The following SPAG16 variants were observed in gnomAD, a reference collection of about 807,000 sequenced individuals.
SPAG16 encodes the protein sperm-associated antigen 16 protein.
Under a neutral mutation model 80.4 loss-of-function variants are expected in SPAG16, and 86 were observed. The ratio of observed to expected loss-of-function variants is 1.07; its 90% CI spans 0.90 to 1.28. SPAG16 has a LOEUF of 1.28. SPAG16 is among the 50% of genes most tolerant of loss of function. The pLI is 0.00. For missense variants in SPAG16, 870 were observed against 765.3 expected, an observed-to-expected ratio of 1.14 and a Z score of -1.61; for synonymous variants, 294 against 265.9, an observed-to-expected ratio of 1.11 and a Z score of -1.03.
chr2:213,422,087 G>C (rs910336028), intron 9 of SPAG16: 2 of 643,692 alleles, frequency 3.1e-6, no homozygotes, highest in African/African-American at 3.6e-5. Context: ...GGGACTAAAA[G>C]AGCTGTAACC....
intron 10 of SPAG16, among the ~76,000 whole-genome samples, chr2:213,592,249 A>G (rs1012580259): frequency 1.3e-5 from 2 of 152,218 alleles, no homozygotes; most frequent in African/African-American, 4.8e-5. Flanking sequence ...AATCACATGC[A>G]CACACATAAT....
intron 1 of SPAG16, among the ~76,000 whole-genome samples, chr2:213,292,516 T>C (rs1359028577): frequency 6.7e-6 from 1 of 150,372 alleles, no homozygotes; most frequent in African/African-American, 2.5e-5. Context: ...TACAAAAAAT[T>C]AGCCGGGCGT....
At chr2:214,174,416 A>G (rs2056996551) in intron 15 of SPAG16, among the ~76,000 whole-genome samples, 2 of 152,044 alleles carry the variant, frequency 1.3e-5, no homozygotes, top group African/African-American at 4.8e-5. Flanking sequence ...AAAAATCACA[A>G]GCATTCTTAT....
At chr2:213,934,723 A>G (rs2078914998) in intron 12 of SPAG16, among the ~76,000 whole-genome samples, 1 of 152,230 alleles carries the variant, frequency 6.6e-6, no homozygotes. Context: ...TTAAAGTAGC[A>G]GGTACTATTT....
At chr2:213,600,351 T>C (rs1411847138) in intron 10 of SPAG16, among the ~76,000 whole-genome samples, 1 of 152,216 alleles carries the variant, frequency 6.6e-6, no homozygotes, top group African/African-American at 2.4e-5. Flanking sequence ...CAGCCATGGA[T>C]TCTCTGCATC....
chr2:213,970,222 G>A (rs1172044870), intron 12 of SPAG16, among the ~76,000 whole-genome samples: 1 of 151,896 alleles, frequency 6.6e-6, no homozygotes, highest in Non-Finnish European at 1.5e-5. Flanking sequence ...AAATTTTGGG[G>A]GAACACAAAC....
At chr2:214,013,118 AG>A (rs1278396502) in intron 12 of SPAG16, among the ~76,000 whole-genome samples, 1 of 151,840 alleles carries the variant, frequency 6.6e-6, no homozygotes, top group Non-Finnish European at 1.5e-5. Context: ...ATTAATTCCC[AG>A]GCTCCATCAT....
At position 214,111,914 on chromosome 2, in the gene SPAG16, G is replaced by A. The variant is rs114740041; in HGVS notation, c.1593+3653G>A. 7.0e-3 allele frequency among the ~76,000 whole-genome samples: 1,059 copies of A among 152,148 alleles called. 16 individuals are homozygous for A. The highest frequency in any genetic ancestry group is 0.024 in the African/African-American group (991 of 41,504). On this transcript the variant is annotated intron_variant, in intron 14 of 15. Transcript: ENST00000331683. ...GTGAATGGGAGCTCATTCATGATTT[G>A]GTTTCCTGTTTGTCTGTTATTGGTG... is the stretch of plus-strand genomic sequence containing the variant.
chr2:214,258,471 G>GTA (rs146532641), intron 15 of SPAG16, among the ~76,000 whole-genome samples: 52,695 of 141,300 alleles, frequency 0.37, 11,067 homozygotes, highest in South Asian at 0.53. Context: ...ATGTGTGTGT[G>GTA]TATATATATA....
chr2:214,224,347 C>T (rs139707575), intron 15 of SPAG16, among the ~76,000 whole-genome samples: 2 of 152,006 alleles, frequency 1.3e-5, no homozygotes, highest in Non-Finnish European at 2.9e-5. Context: ...AGTGAATGTC[C>T]CATAAATATA....
chr2:213,788,140 T>C (rs2070458143), intron 10 of SPAG16, among the ~76,000 whole-genome samples: 1 of 151,974 alleles, frequency 6.6e-6, no homozygotes, highest in Non-Finnish European at 1.5e-5. Flanking sequence ...CTAAGAAATT[T>C]ATTGGATTCC....
intron 10 of SPAG16, among the ~76,000 whole-genome samples, chr2:213,593,348 C>A (rs773013552): frequency 2.0e-5 from 3 of 152,242 alleles, no homozygotes; most frequent in Non-Finnish European, 2.9e-5. Flanking sequence ...AATTCATGGA[C>A]TTATCATCAC....
chr2:213,788,913 T>C (rs1002547737), intron 10 of SPAG16, among the ~76,000 whole-genome samples: 1 of 151,908 alleles, frequency 6.6e-6, no homozygotes, highest in Admixed American at 6.6e-5. Context: ...GTAGAATCTT[T>C]CCATTTATAT....
chr2:213,632,870 G>C lies in SPAG16; in HGVS notation c.1070+142780G>C, dbSNP rs137915202. On this transcript the variant is annotated intron_variant, in intron 10 of 15. Coordinates refer to ENST00000331683, the MANE Select transcript of SPAG16 (RefSeq NM_024532.5). ...CTTAATGTATTGTTGAATTCAGTTT[G>C]CTATTACTTTGTTCAGGCTGTTTGC... is the stretch of plus-strand genomic sequence containing the variant. Among the ~76,000 whole-genome samples, 655 of 152,174 alleles carry C rather than the reference G, an allele frequency of 4.3e-3. 6 individuals carry two copies. The highest frequency in any genetic ancestry group is 0.015 in the African/African-American group (619 of 41,526).
intron 9 of SPAG16, among the ~76,000 whole-genome samples, chr2:213,465,915 G>T (rs1206947578): frequency 6.6e-6 from 1 of 152,166 alleles, no homozygotes; most frequent in Non-Finnish European, 1.5e-5. Flanking sequence ...GTGTTTGATG[G>T]TGTTGCTAAA....
intron 10 of SPAG16, among the ~76,000 whole-genome samples, chr2:213,755,072 C>G (rs2068260078): frequency 1.3e-5 from 2 of 152,136 alleles, no homozygotes; most frequent in South Asian, 4.1e-4. Flanking sequence ...ACAACAAACT[C>G]TTTGTGTCAG....
chr2:214,183,556 A>G (rs2057371569), intron 15 of SPAG16, among the ~76,000 whole-genome samples: 1 of 152,014 alleles, frequency 6.6e-6, no homozygotes, highest in Admixed American at 6.6e-5. Flanking sequence ...AAGAAAGCAG[A>G]AGCTCTTCCA....
At chr2:213,423,184 A>G (rs535526231) in intron 9 of SPAG16, among the ~76,000 whole-genome samples, 45 of 152,320 alleles carry the variant, frequency 3.0e-4, no homozygotes, top group African/African-American at 1.1e-3. Context: ...ATAGATTTTG[A>G]TCCAGTACAT....
intron 10 of SPAG16, among the ~76,000 whole-genome samples, chr2:213,760,840 G>A (rs2068617876): frequency 6.6e-6 from 1 of 152,168 alleles, no homozygotes; most frequent in South Asian, 2.1e-4. Context: ...ATTTGGCAAG[G>A]GACATCCTAT....
Sources: allele counts gnomAD v4.1 joint callset (sites outside exome capture counted in the v4.1 genomes callset), GRCh38; gene constraint gnomAD v4.1.1; transcripts MANE v1.5; gene names NCBI Gene and HGNC (gene_info 2026-07-23, HGNC 2026-07-21).